Variants in LARGE1 observed in about 807,000 individuals in gnomAD.
LARGE1 encodes xylosyl- and glucuronyltransferase LARGE1.
LARGE1 carries 43 observed loss-of-function variants against 87.6 expected under a neutral mutation model. The observed-to-expected ratio is 0.49, with a 90% CI of 0.38 to 0.63. LARGE1 has a LOEUF of 0.63. LARGE1 is among the 30% of genes least tolerant of loss of function. The probability of loss-of-function intolerance (pLI) is 0.00; values close to 1 mark genes in which losing one functional copy is unlikely to be tolerated. For synonymous variants in LARGE1, 434 were observed against 394.6 expected, an observed-to-expected ratio of 1.10 and a Z score of -1.18; for missense variants, 802 against 1,000.2, an observed-to-expected ratio of 0.80 and a Z score of 2.67.
intron 2 of LARGE1, among the ~76,000 whole-genome samples, chr22:33,716,581 A>G (rs1287288616): frequency 6.6e-6 from 1 of 152,168 alleles, no homozygotes; most frequent in Admixed American, 6.6e-5. Context: ...TATTTTTTGT[A>G]GAGACAGGTT....
intron 6 of LARGE1, among the ~76,000 whole-genome samples, chr22:33,441,535 C>T (rs559367211): frequency 6.6e-6 from 1 of 152,244 alleles, no homozygotes; most frequent in Admixed American, 6.5e-5. Context: ...CTCAGCGCAG[C>T]CTTGAACTCC....
chr22:33,521,304 C>T (rs1420932526), intron 6 of LARGE1, among the ~76,000 whole-genome samples: 3 of 152,228 alleles, frequency 2.0e-5, no homozygotes, highest in African/African-American at 4.8e-5. Flanking sequence ...GTTTGGGCTA[C>T]GGTGCTCATG....
chr22:33,768,477 C>T (rs2084973617), intron 1 of LARGE1, among the ~76,000 whole-genome samples: 2 of 151,914 alleles, frequency 1.3e-5, no homozygotes, highest in South Asian at 4.2e-4. Flanking sequence ...GTCTCCCGCC[C>T]TGCCTACTGT....
chr22:33,643,449 G>T (rs1212026212), intron 3 of LARGE1, among the ~76,000 whole-genome samples: 1 of 152,182 alleles, frequency 6.6e-6, no homozygotes, highest in Non-Finnish European at 1.5e-5. Flanking sequence ...AAGCAGGAAA[G>T]ATCTAAAATT....
At chr22:33,683,845 A>G (rs1271154346) in intron 2 of LARGE1, among the ~76,000 whole-genome samples, 1 of 152,128 alleles carries the variant, frequency 6.6e-6, no homozygotes, top group Non-Finnish European at 1.5e-5. Context: ...CTCTCTCTGG[A>G]GCCCTTGATG....
rs1032745563 is a variant in LARGE1, at chr22:33,501,581, T to C, written c.787+63267A>G. Among the ~76,000 whole-genome samples the C allele has an allele frequency of 2.0e-5, 3 of 152,222 alleles. No individual in the cohort carries two copies. In the East Asian group the frequency reaches 5.8e-4, roughly 29 times the overall value. ...TCTCAATGTGCTCTGGGTTTCTTTC[T>C]TGGAATTGTTAGGAAATGATCCAAG... is the stretch of plus-strand genomic sequence containing the variant. On this transcript the variant is annotated intron_variant, in intron 6 of 14. Transcript: ENST00000397394.
chr22:33,762,213 CAAAAAAAAAAAAAAAAAAAA>C (rs56832457), intron 1 of LARGE1, among the ~76,000 whole-genome samples: 1 of 84,460 alleles, frequency 1.2e-5, no homozygotes, highest in African/African-American at 5.1e-5. Context: ...GATTCTATCT[CAAAAAAAAAAAAAAAAAAAA>C]AAAAAAAAGA....
chr22:33,102,473 C>CCCTT, the LARGE1 span, among the ~76,000 whole-genome samples: 15 of 151,318 alleles, frequency 9.9e-5, no homozygotes, highest in South Asian at 2.1e-4. Flanking sequence ...ACCTGGGCCC[C>CCCTT]CCTTCCTTCC....
At chr22:33,469,990 C>T (rs899555153) in intron 6 of LARGE1, among the ~76,000 whole-genome samples, 8 of 150,018 alleles carry the variant, frequency 5.3e-5, no homozygotes, top group East Asian at 2.0e-4. Context: ...CCCGGGTTCA[C>T]GCCATTCTCC....
intron 10 of LARGE1, among the ~76,000 whole-genome samples, chr22:33,335,436 C>T (rs1270659525): frequency 4.6e-5 from 7 of 152,164 alleles, no homozygotes; most frequent in Admixed American, 4.6e-4. Context: ...CAGGGGCGCA[C>T]TGTGACCAGG....
intron 1 of LARGE1, among the ~76,000 whole-genome samples, chr22:33,861,397 CACAA>C (rs1047295605): frequency 1.3e-5 from 2 of 151,868 alleles, no homozygotes; most frequent in African/African-American, 4.9e-5. Flanking sequence ...TACACACACA[CACAA>C]ACACACACAC....
intron 6 of LARGE1, among the ~76,000 whole-genome samples, chr22:33,442,337 T>C (rs952733332): frequency 3.9e-5 from 6 of 152,204 alleles, no homozygotes; most frequent in Admixed American, 3.9e-4. Context: ...CTCTTGGCCC[T>C]TCTGAATTTT....
chr22:33,866,727 C>CA (rs748126610), intron 1 of LARGE1, among the ~76,000 whole-genome samples: 7 of 152,316 alleles, frequency 4.6e-5, no homozygotes, highest in Non-Finnish European at 1.0e-4. Context: ...CCTTATGGTG[C>CA]ACGGTGGATT....
chr22:33,385,332 T>G (rs1326991710), intron 7 of LARGE1, among the ~76,000 whole-genome samples: 1 of 146,762 alleles, frequency 6.8e-6, no homozygotes. Context: ...GAGGTCAGAT[T>G]AGCCTGGCCA....
At chr22:33,737,655 A>G (rs1041566883) in intron 2 of LARGE1, 1 of 152,250 alleles carries the variant, frequency 6.6e-6, no homozygotes, top group African/African-American at 2.4e-5. Context: ...GCAAAGAGTG[A>G]AAAGTCTCCC....
At chr22:33,169,686 C>T (rs1056350686) in intron 11 of LARGE1, among the ~76,000 whole-genome samples, 3 of 151,674 alleles carry the variant, frequency 2.0e-5, no homozygotes, top group African/African-American at 4.8e-5. Context: ...CCCGCCTCTA[C>T]GAAAAATACA....
intron 5 of LARGE1, among the ~76,000 whole-genome samples, chr22:33,592,666 T>C (rs2078873612): frequency 6.6e-6 from 1 of 151,292 alleles, no homozygotes; most frequent in African/African-American, 2.4e-5. Context: ...ATTATTTACA[T>C]ATCACTCTAT....
chr22:33,514,567 T>C (rs1320019551), intron 6 of LARGE1, among the ~76,000 whole-genome samples: 1 of 152,186 alleles, frequency 6.6e-6, no homozygotes, highest in African/African-American at 2.4e-5. Context: ...TTAGAGATGA[T>C]TTAAAGTATG....
intron 1 of LARGE1, among the ~76,000 whole-genome samples, chr22:33,873,928 C>T (rs2064384148): frequency 6.6e-6 from 1 of 151,830 alleles, no homozygotes; most frequent in African/African-American, 2.4e-5. Flanking sequence ...CCTCTCACCT[C>T]CCAACCCTGA....
Sources: allele counts gnomAD v4.1 joint callset (sites outside exome capture counted in the v4.1 genomes callset), GRCh38; gene constraint gnomAD v4.1.1; transcripts MANE v1.5; gene names NCBI Gene and HGNC (gene_info 2026-07-23, HGNC 2026-07-21).